The following BNC2 variants were observed in gnomAD, a reference collection of about 807,000 sequenced individuals.
BNC2 encodes the protein zinc finger protein basonuclin-2.
Under a neutral mutation model 76.3 loss-of-function variants are expected in BNC2, and 20 were observed. The ratio of observed to expected loss-of-function variants is 0.26; its 90% confidence interval spans 0.18 to 0.38. The LOEUF (loss-of-function observed/expected upper bound fraction) is 0.38, where lower values mean the gene tolerates loss of function less well. Ranked by LOEUF, BNC2 falls within the 10% of genes least tolerant of loss-of-function variation. The pLI is 1.00. For synonymous variants in BNC2, 582 were observed against 514.8 expected (o/e 1.13, Z -1.77); for missense variants, 1,382 against 1,399.8 (o/e 0.99, Z 0.20).
intron 3 of BNC2, among the ~76,000 whole-genome samples, chr9:16,684,580 T>C (rs1195705808): frequency 1.3e-5 from 2 of 152,142 alleles, no homozygotes; most frequent in African/African-American, 2.4e-5. Context: ...CATTTGTGGT[T>C]CTAAATCAGT....
chr9:16,587,511 A>C (rs1442295974), intron 3 of BNC2, among the ~76,000 whole-genome samples: 1 of 152,088 alleles, frequency 6.6e-6, no homozygotes, highest in African/African-American at 2.4e-5. Flanking sequence ...CCATAATTCC[A>C]GTCTTTTTTT....
chr9:16,419,485 G>T lies in BNC2; in HGVS notation c.2804C>A (p.Ala935Asp). The T allele has an allele frequency of 1.9e-6, 3 of 1,614,120 alleles. No homozygotes were observed. In the East Asian group the frequency reaches 6.7e-5, roughly 36 times the overall value. Residue 935 changes from alanine (A) to aspartate (D), a missense_variant, in exon 7 of 7, where the codon GCC (alanine) becomes GAC (aspartate). Transcript: ENST00000380672. ...HPMGLDVRED[A>D]SSPAGTEDSH... is the part of the protein sequence containing the mutation. ...GTCTTCAGTCCCTGCGGGAGAGGAG[G>T]CGTCTTCCCTGACATCGAGCCCCAT...
At chr9:16,727,741 C>G (rs1563917227) in intron 3 of BNC2, 56 bp downstream of exon 3, 25 of 1,470,164 alleles carry the variant, frequency 1.7e-5, no homozygotes, top group Non-Finnish European at 2.3e-5. Flanking sequence ...GTGCCCATAA[C>G]AATTCAAGGT....
chr9:16,826,038 G>C (rs545901913), intron 1 of BNC2, among the ~76,000 whole-genome samples: 2 of 152,108 alleles, frequency 1.3e-5, no homozygotes, highest in Admixed American at 6.6e-5. Flanking sequence ...GGCTGATGAC[G>C]AGGGACACAA....
intron 3 of BNC2, among the ~76,000 whole-genome samples, chr9:16,711,988 C>A (rs1032081410): frequency 6.6e-6 from 1 of 152,142 alleles, no homozygotes; most frequent in Non-Finnish European, 1.5e-5. Context: ...GTAATTAGTA[C>A]AAAATACATG....
At chr9:16,701,711 G>GGGGGCAGATCGTTTT (rs1823518842) in intron 3 of BNC2, among the ~76,000 whole-genome samples, 1 of 152,000 alleles carries the variant, frequency 6.6e-6, no homozygotes, top group African/African-American at 2.4e-5. Context: ...GAAGGCTGAG[G>GGGGGCAGATCGTTTT]GGGGCAGATC....
intron 1 of BNC2, among the ~76,000 whole-genome samples, chr9:16,770,914 T>C (rs1044703783): frequency 6.6e-6 from 1 of 151,990 alleles, no homozygotes; most frequent in Non-Finnish European, 1.5e-5. Context: ...CTCACGCCTA[T>C]AATCCCAGCA....
At chr9:16,756,048 C>A (rs1040163403) in intron 1 of BNC2, among the ~76,000 whole-genome samples, 1 of 152,144 alleles carries the variant, frequency 6.6e-6, no homozygotes, top group Non-Finnish European at 1.5e-5. Flanking sequence ...ACTCAGGTGT[C>A]TCTCATGAGA....
At chr9:16,678,181 G>A (rs985747495) in intron 3 of BNC2, among the ~76,000 whole-genome samples, 1 of 151,684 alleles carries the variant, frequency 6.6e-6, no homozygotes, top group Non-Finnish European at 1.5e-5. Context: ...AGGGGTGAAG[G>A]GAGATAAAAT....
chr9:16,500,049 CTAGT>C (rs1822486110), intron 5 of BNC2, among the ~76,000 whole-genome samples: 2 of 152,028 alleles, frequency 1.3e-5, no homozygotes, highest in Non-Finnish European at 2.9e-5. Flanking sequence ...GATTCTTAGC[CTAGT>C]GGCCTGCTAC....
chr9:16,777,414 T>G (rs1213475985), intron 1 of BNC2, among the ~76,000 whole-genome samples: 1 of 151,678 alleles, frequency 6.6e-6, no homozygotes, highest in Non-Finnish European at 1.5e-5. Context: ...ATAAGAACTG[T>G]TAGGGGCTGG....
intron 1 of BNC2, among the ~76,000 whole-genome samples, chr9:16,864,369 C>CCAGAAAT (rs1563976793): frequency 6.6e-6 from 1 of 152,110 alleles, no homozygotes; most frequent in Non-Finnish European, 1.5e-5. Flanking sequence ...ATGTTAGTCA[C>CCAGAAAT]CAGAAATACT....
At position 16,412,113 on chromosome 9, in the gene BNC2, C is replaced by T. The variant is rs956439634; in HGVS notation, c.*6876G>A. The T allele has an allele frequency of 6.6e-6, 1 of 152,640 alleles. No homozygotes were observed. The highest frequency in any genetic ancestry group is 2.4e-5 in the African/African-American group (1 of 41,460). 9.5% of individuals were successfully genotyped at this position (152,640 alleles called of 1,614,324 possible). A position where few individuals can be genotyped will look rare whatever the true frequency, so the allele number is the denominator to read the frequency against. ...ACTCGATTTTCTAAAGCTCCCTGTA[C>T]TTGTACTTACCAAAGTTCTTCAAAG... On this transcript the variant is annotated 3_prime_UTR_variant, in exon 7 of 7. Coordinates refer to ENST00000380672, the MANE Select transcript of BNC2 (RefSeq NM_017637.6).
At chr9:16,655,099 A>C (rs554695539) in intron 3 of BNC2, among the ~76,000 whole-genome samples, 1 of 151,774 alleles carries the variant, frequency 6.6e-6, no homozygotes, top group Non-Finnish European at 1.5e-5. Context: ...ACCTCTGCAG[A>C]CAGACTAGGC....
intron 3 of BNC2, among the ~76,000 whole-genome samples, chr9:16,612,018 T>A (rs1820561076): frequency 6.8e-6 from 1 of 146,960 alleles, no homozygotes. Flanking sequence ...TATTAGTTAA[T>A]TTGTAAGAGG....
chr9:16,829,394 G>T (rs1415351593), intron 1 of BNC2, among the ~76,000 whole-genome samples: 2 of 152,174 alleles, frequency 1.3e-5, no homozygotes, highest in East Asian at 3.9e-4. Context: ...TTTTTATTAG[G>T]TGACTGGGTG....
intron 3 of BNC2, among the ~76,000 whole-genome samples, chr9:16,660,171 G>A (rs1334330877): frequency 1.3e-5 from 2 of 152,022 alleles, no homozygotes. Flanking sequence ...ACACATCTTT[G>A]GGGCCGGGCG....
chr9:16,504,874 C>T (rs1409222496), intron 5 of BNC2, among the ~76,000 whole-genome samples: 1 of 152,098 alleles, frequency 6.6e-6, no homozygotes, highest in Non-Finnish European at 1.5e-5. Context: ...AACAAAAAAC[C>T]CCACAAAACT....
At chr9:16,816,165 A>T (rs573469132) in intron 1 of BNC2, among the ~76,000 whole-genome samples, 1 of 152,284 alleles carries the variant, frequency 6.6e-6, no homozygotes, top group East Asian at 1.9e-4. Flanking sequence ...GCTGGAGTAA[A>T]GCCTAATCAC....
Sources: gnomAD v4.1 joint callset for allele counts (sites outside exome capture counted in the v4.1 genomes callset) on GRCh38, gnomAD v4.1.1 for gene constraint, MANE v1.5 for transcripts, NCBI Gene and HGNC (gene_info 2026-07-23, HGNC 2026-07-21) for gene names.